ELOVL6: variants seen among roughly 807,000 people sequenced by gnomAD.
The protein encoded by ELOVL6 is ELOVL fatty acid elongase 6, also known as very long chain fatty acid elongase 6.
Under a neutral mutation model 31.7 loss-of-function variants are expected in ELOVL6, and 8 were observed. The observed-to-expected ratio is 0.25, with a 90% confidence interval of 0.15 to 0.45. The LOEUF (loss-of-function observed/expected upper bound fraction) is 0.45. Among genes scored for constraint, ELOVL6 ranks in the 20% least tolerant of loss-of-function variants. The pLI is 1.00. For synonymous variants in ELOVL6, 101 were observed against 117.7 expected (o/e 0.86, Z 0.92); for missense variants, 126 against 326.4 (o/e 0.39, Z 4.73).
chr4:110,121,656 G>A (rs960511897), intron 1 of ELOVL6, among the ~76,000 whole-genome samples: 22 of 152,048 alleles, frequency 1.4e-4, no homozygotes, highest in African/African-American at 2.9e-4. Flanking sequence ...CCGAGATTGC[G>A]CCACTGCACT....
At chr4:110,166,164 C>A (rs957010523) in intron 1 of ELOVL6, among the ~76,000 whole-genome samples, 3 of 152,166 alleles carry the variant, frequency 2.0e-5, no homozygotes, top group Non-Finnish European at 2.9e-5. Flanking sequence ...AAGGCACATT[C>A]ATTTCGCCCC....
intron 1 of ELOVL6, among the ~76,000 whole-genome samples, chr4:110,145,126 A>G (rs1758070861): frequency 6.6e-6 from 1 of 151,936 alleles, no homozygotes; most frequent in South Asian, 2.1e-4. Flanking sequence ...AGACAAGGCA[A>G]ACAGAAGTAT....
intron 3 of ELOVL6, among the ~76,000 whole-genome samples, chr4:110,058,272 G>A (rs975401725): frequency 2.6e-5 from 4 of 151,806 alleles, no homozygotes; most frequent in African/African-American, 4.8e-5. Context: ...GTGTGTAGGC[G>A]TTTGTGTGTC....
chr4:110,094,432 T>TAA (rs1420246468), intron 2 of ELOVL6, among the ~76,000 whole-genome samples: 11 of 58,462 alleles, frequency 1.9e-4, no homozygotes, highest in African/African-American at 9.3e-4. Context: ...TATATATATA[T>TAA]ATATATATAT....
At chr4:110,082,198 G>C (rs1349525394) in intron 2 of ELOVL6, among the ~76,000 whole-genome samples, 1 of 151,610 alleles carries the variant, frequency 6.6e-6, no homozygotes, top group Non-Finnish European at 1.5e-5. Context: ...ATTCCTCAGG[G>C]ATCTAGAACT....
chr4:110,191,495 G>A (rs1404294063), intron 1 of ELOVL6, among the ~76,000 whole-genome samples: 1 of 152,120 alleles, frequency 6.6e-6, no homozygotes, highest in Non-Finnish European at 1.5e-5. Flanking sequence ...AATGATGTCT[G>A]GTTCCTATTA....
chr4:110,189,570 G>A (rs114799120), intron 1 of ELOVL6, among the ~76,000 whole-genome samples: 17,216 of 129,626 alleles, frequency 0.13, 1,358 homozygotes, highest in South Asian at 0.23. Context: ...CTCAGACTGG[G>A]AGACACAGCA....
Position 110,121,323 on chromosome 4 carries a change from C to T in ELOVL6, c.90-15695G>A, listed in dbSNP as rs1757351575. Among the ~76,000 whole-genome samples the T allele has an allele frequency of 2.0e-5, 3 of 152,110 alleles. No homozygotes were observed. In the South Asian group the frequency reaches 6.2e-4, roughly 31 times the overall value. Reference sequence around the variant, plus strand: ...CTTTCAGTAACTTTTCAGGTAAATTCAGCTAAGTTTGCATAGTCATAAATA... The same window carrying T: ...CTTTCAGTAACTTTTCAGGTAAATTTAGCTAAGTTTGCATAGTCATAAATA... On this transcript the variant is annotated intron_variant, in intron 1 of 3. Coordinates refer to ENST00000302274, the MANE Select transcript of ELOVL6 (RefSeq NM_024090.3).
intron 1 of ELOVL6, among the ~76,000 whole-genome samples, chr4:110,188,889 CA>C (rs368964781): frequency 0.019 from 2,076 of 107,828 alleles, 38 homozygotes; most frequent in African/African-American, 0.058. Flanking sequence ...AACTCGGTCT[CA>C]AAAAAAAAAA....
chr4:110,191,938 C>T (rs1029530531), intron 1 of ELOVL6, among the ~76,000 whole-genome samples: 2 of 152,030 alleles, frequency 1.3e-5, no homozygotes, highest in Admixed American at 6.6e-5. Flanking sequence ...ACCTGTAATC[C>T]CAGCACTTTG....
chr4:110,186,212 A>C (rs772940349), intron 1 of ELOVL6, among the ~76,000 whole-genome samples: 1 of 151,998 alleles, frequency 6.6e-6, no homozygotes, highest in Non-Finnish European at 1.5e-5. Flanking sequence ...GACAAAACAA[A>C]AACAAAAACA....
intron 1 of ELOVL6, among the ~76,000 whole-genome samples, chr4:110,190,261 G>A (rs751431579): frequency 6.6e-6 from 1 of 150,422 alleles, no homozygotes; most frequent in African/African-American, 2.4e-5. Flanking sequence ...CTTTTTTTTT[G>A]TACAAAGTAA....
At chr4:110,187,524 G>C (rs146935520) in intron 1 of ELOVL6, among the ~76,000 whole-genome samples, 2 of 151,326 alleles carry the variant, frequency 1.3e-5, no homozygotes, top group African/African-American at 4.9e-5. Context: ...GTGAAACCCC[G>C]TCTCTACTAA....
chr4:110,186,033 T>C (rs551678779), intron 1 of ELOVL6, among the ~76,000 whole-genome samples: 76 of 151,866 alleles, frequency 5.0e-4, no homozygotes, highest in African/African-American at 1.7e-3. Flanking sequence ...CTACTAAAAA[T>C]AGAAAAATTA....
chr4:110,123,834 C>T (rs1056823187), intron 1 of ELOVL6, among the ~76,000 whole-genome samples: 2 of 152,194 alleles, frequency 1.3e-5, no homozygotes, highest in Non-Finnish European at 2.9e-5. Flanking sequence ...GGCAATAATT[C>T]TCCTTTCAGT....
At chr4:110,158,315 AC>A (rs1758513273) in intron 1 of ELOVL6, among the ~76,000 whole-genome samples, 1 of 151,978 alleles carries the variant, frequency 6.6e-6, no homozygotes. Context: ...AATTCAATAA[AC>A]CCCATTTTGA....
intron 2 of ELOVL6, among the ~76,000 whole-genome samples, chr4:110,079,448 G>A (rs907425777): frequency 6.6e-5 from 10 of 151,978 alleles, no homozygotes; most frequent in Admixed American, 3.9e-4. Context: ...ACTCAAAACC[G>A]CTCAACTACA....
chr4:110,143,145 C>T (rs1465475341), intron 1 of ELOVL6, among the ~76,000 whole-genome samples: 1 of 152,112 alleles, frequency 6.6e-6, no homozygotes, highest in African/African-American at 2.4e-5. Flanking sequence ...GCCAAAGACA[C>T]ATCATTAAAA....
At chr4:110,122,695 G>C (rs184186095) in intron 1 of ELOVL6, among the ~76,000 whole-genome samples, 6 of 152,244 alleles carry the variant, frequency 3.9e-5, no homozygotes, top group South Asian at 4.2e-4. Flanking sequence ...GCTTTGACAT[G>C]GTTCAAATGG....
Sources: gnomAD v4.1 joint callset for allele counts (sites outside exome capture counted in the v4.1 genomes callset) on GRCh38, gnomAD v4.1.1 for gene constraint, MANE v1.5 for transcripts, NCBI Gene and HGNC (gene_info 2026-07-23, HGNC 2026-07-21) for gene names.